Variants in KDM5B observed in about 807,000 individuals in gnomAD.
KDM5B encodes lysine-specific demethylase 5B.
KDM5B carries 144 observed loss-of-function variants against 193.4 expected under a neutral mutation model. The ratio of observed to expected loss-of-function variants is 0.74; its 90% confidence interval spans 0.65 to 0.86. The LOEUF is 0.86. Among genes scored for constraint, KDM5B ranks in the 40% least tolerant of loss-of-function variants. KDM5B has a pLI of 0.00. For synonymous variants in KDM5B, 668 were observed against 682.6 expected (o/e 0.98, Z 0.33); for missense variants, 1,833 against 1,886.9 (o/e 0.97, Z 0.53).
intron 1 of KDM5B, among the ~76,000 whole-genome samples, chr1:202,804,898 T>C (rs1658230769): frequency 6.6e-6 from 1 of 150,846 alleles, no homozygotes. Flanking sequence ...TTGTGGAATC[T>C]ATCTATGGCC....
In KDM5B at chr1:202,749,135, G is replaced by A. The variant is rs978361423; in HGVS notation, c.1826C>T (p.Pro609Leu). The change falls in exon 14 of 27, where the codon CCA (proline) becomes CTA (leucine). Residue 609 changes from proline (P) to leucine (L), a missense_variant. Physicochemically the swap from Pro to Leu is moderately conservative, Grantham distance 98. Around this residue, in one of 3 missense-constraint regions of KDM5B, gnomAD observed 1,379 missense variants for 1,349.6 expected, o/e 1.02. Coordinates refer to ENST00000367265, the MANE Select transcript of KDM5B (RefSeq NM_006618.5). ...ATGCTCCACACACTGTCGGCCTAAT[G>A]GCAGCTGTATCAAAACACGGAAAGA... The part of the protein sequence containing the change: ...AVNFCTVDWL[P>L]LGRQCVEHYR... 2 of 1,607,590 alleles carry A rather than the reference G, an allele frequency of 1.2e-6. No individual in the cohort carries two copies. Among genetic ancestry groups the A allele is most frequent in the African/African-American group, 2.7e-5 (2 of 74,774 alleles).
intron 5 of KDM5B, chr1:202,766,419 T>C (rs886705478): frequency 2.6e-6 from 1 of 390,526 alleles, no homozygotes; most frequent in Non-Finnish European, 4.9e-6. Context: ...GGCAGAAGAA[T>C]TGCTGGAATC....
Position 202,741,375 on chromosome 1 carries a change from G to A in KDM5B, c.2937C>T (p.Leu979=), listed in dbSNP as rs1296155050. 1.3e-6 allele frequency: 2 copies of A among 1,538,032 alleles called. No homozygotes were observed. Among genetic ancestry groups the A allele is most frequent in the Non-Finnish European group, 1.7e-6 (2 of 1,145,012 alleles). ...EHWDDKAKSL[L]KARPRHSLNS... ...GAAGTCTGCTTTTTCACCTGGCCTT[G>A]AGGAGACTCTTGGCTTTGTCGTCCC... Residue 979 remains leucine, a synonymous_variant, in exon 19 of 27, where the codon CTC becomes CTT. Transcript: ENST00000367265.
At chr1:202,762,412 G>A (rs1229308842) in intron 7 of KDM5B, among the ~76,000 whole-genome samples, 3 of 152,220 alleles carry the variant, frequency 2.0e-5, no homozygotes, top group Non-Finnish European at 4.4e-5. Flanking sequence ...TAATGAGCTA[G>A]ATTACAGTTC....
Position 202,742,503 on chromosome 1 carries a change from T to C in KDM5B, c.2477A>G (p.Tyr826Cys), listed in dbSNP as rs758824583. Reference sequence around the variant, plus strand: ...TTGGGATTTCCCTCCACCAGATCGATATCTGTAAAGACAAAGGCCCAAGGA... The same window carrying C: ...TTGGGATTTCCCTCCACCAGATCGACATCTGTAAAGACAAAGGCCCAAGGA... ...QLLNGKRQTR[Y>C]RSGGGKSQNQ... is the part of the protein sequence containing the mutation. The change falls in exon 18 of 27, where the codon TAT becomes TGT. Residue 826 changes from tyrosine to cysteine, a missense_variant and splice_region_variant. Tyr to Cys is a radical substitution (Grantham distance 194). Coordinates refer to ENST00000367265, the MANE Select transcript of KDM5B (RefSeq NM_006618.5). The C allele has an allele frequency of 3.1e-6, 5 of 1,613,702 alleles. No homozygotes were observed. The highest frequency in any genetic ancestry group is 3.3e-5 in the Admixed American group (2 of 60,032).
chr1:202,802,284 C>T (rs926082364), intron 1 of KDM5B, among the ~76,000 whole-genome samples: 1 of 152,124 alleles, frequency 6.6e-6, no homozygotes, highest in African/African-American at 2.4e-5. Flanking sequence ...ATTAAGGCAA[C>T]AATGAAAGGT....
rs1656985728 is a variant in KDM5B, at chr1:202,777,040, T to C, written c.259A>G (p.Ile87Val). Reference sequence around the variant, plus strand: ...ACCTCCAATTCATTCAGTCTCTGGATACGTGGCGTAAAATGAAGTTTATCA... The same window carrying C: ...ACCTCCAATTCATTCAGTCTCTGGACACGTGGCGTAAAATGAAGTTTATCA... Reference protein sequence around the residue: ...DVDKLHFTPRIQRLNELEAQT... With the variant: ...DVDKLHFTPRVQRLNELEAQT... The change falls in exon 2 of 27, where the codon ATC becomes GTC. Residue 87 changes from isoleucine (I) to valine (V), a missense_variant. Physicochemically the swap from Ile to Val is conservative, Grantham distance 29. Coordinates refer to ENST00000367265, the MANE Select transcript of KDM5B (RefSeq NM_006618.5). 6.2e-7 allele frequency: 1 copy of C among 1,613,080 alleles called. No individual in the cohort carries two copies. The highest frequency in any genetic ancestry group is 8.5e-7 in the Non-Finnish European group (1 of 1,179,042).
chr1:202,771,398 ATT>A (rs35164548), intron 4 of KDM5B, among the ~76,000 whole-genome samples: 1 of 139,732 alleles, frequency 7.2e-6, no homozygotes, highest in African/African-American at 2.6e-5. Context: ...CATCCAGCTA[ATT>A]TTTTTTTTTT....
At chr1:202,759,106 A>C (rs943009747) in intron 8 of KDM5B, among the ~76,000 whole-genome samples, 3 of 152,196 alleles carry the variant, frequency 2.0e-5, no homozygotes, top group African/African-American at 7.2e-5. Context: ...ATTGATGGAG[A>C]TATCCTTATG....
At chr1:202,804,405 G>C (rs1050102576) in intron 1 of KDM5B, among the ~76,000 whole-genome samples, 36 of 152,144 alleles carry the variant, frequency 2.4e-4, no homozygotes, top group African/African-American at 8.4e-4. Context: ...ACAGAGAGAG[G>C]GTTAGGCCTA....
intron 1 of KDM5B, among the ~76,000 whole-genome samples, chr1:202,800,168 C>T (rs1658015880): frequency 6.6e-6 from 1 of 151,998 alleles, no homozygotes; most frequent in Admixed American, 6.6e-5. Context: ...CTCAGCCTCC[C>T]GAGTAGCTTG....
intron 11 of KDM5B, among the ~76,000 whole-genome samples, chr1:202,754,119 G>A (rs1655913776): frequency 1.3e-5 from 2 of 152,156 alleles, no homozygotes; most frequent in Non-Finnish European, 2.9e-5. Context: ...ACACTAGTAA[G>A]GCAATTAGCA....
intron 18 of KDM5B, among the ~76,000 whole-genome samples, chr1:202,741,935 CTCTT>C (rs1236072171): frequency 2.4e-5 from 3 of 124,268 alleles, no homozygotes; most frequent in Non-Finnish European, 5.9e-5. Context: ...AGGTCACTTT[CTCTT>C]TTTTTTTTTT....
At chr1:202,790,353 G>T (rs925128692) in intron 1 of KDM5B, among the ~76,000 whole-genome samples, 2 of 152,148 alleles carry the variant, frequency 1.3e-5, no homozygotes, top group African/African-American at 4.8e-5. Flanking sequence ...CAACCAAGTG[G>T]ATTGCTTGAG....
chr1:202,768,648 T>C (rs1656573782), intron 4 of KDM5B, among the ~76,000 whole-genome samples: 1 of 151,922 alleles, frequency 6.6e-6, no homozygotes, highest in African/African-American at 2.4e-5. Flanking sequence ...TAGCGCTCTA[T>C]AAATATTAAA....
intron 9 of KDM5B, among the ~76,000 whole-genome samples, chr1:202,756,790 T>C (rs1215297906): frequency 1.3e-5 from 2 of 152,212 alleles, no homozygotes; most frequent in Admixed American, 6.5e-5. Flanking sequence ...TAACATAAAC[T>C]GTATAGTAAT....
At position 202,808,392 on chromosome 1, in the gene KDM5B, G is replaced by T. The variant is rs564407806; in HGVS notation, c.-87C>A. 3.9e-6 allele frequency: 5 copies of T among 1,268,026 alleles called. No individual in the cohort carries two copies. Among genetic ancestry groups the T allele is most frequent in the South Asian group, 3.1e-5 (2 of 65,390 alleles). The allele number at this position is 1,268,026 out of a possible 1,614,324, so 78.5% of individuals were successfully genotyped here. On this transcript the variant is annotated 5_prime_UTR_variant, in exon 1 of 27. Coordinates refer to ENST00000367265, the MANE Select transcript of KDM5B (RefSeq NM_006618.5). ...CTCGGTCCGAGACCCGTGCAGACGCGGCTCGAGCAACAGCAAGTCCGAGTT... is the reference window on the plus strand; with the variant it reads ...CTCGGTCCGAGACCCGTGCAGACGCTGCTCGAGCAACAGCAAGTCCGAGTT...
chr1:202,772,852 A>G (rs933508423), intron 4 of KDM5B, among the ~76,000 whole-genome samples: 36 of 145,840 alleles, frequency 2.5e-4, no homozygotes, highest in African/African-American at 8.0e-4. Context: ...ACACGCCACC[A>G]TGCCCAGCAA....
At chr1:202,799,229 A>C (rs1026159454) in intron 1 of KDM5B, among the ~76,000 whole-genome samples, 22 of 152,214 alleles carry the variant, frequency 1.4e-4, no homozygotes, top group Non-Finnish European at 4.4e-5. Context: ...GATGACAAGC[A>C]TACGTTGCAG....
Sources: gnomAD v4.1 joint callset for allele counts (sites outside exome capture counted in the v4.1 genomes callset) on GRCh38, gnomAD v4.1.1 for gene constraint, gnomAD v4.1.1 regional missense constraint, MANE v1.5 for transcripts, NCBI Gene and HGNC (gene_info 2026-07-23, HGNC 2026-07-21) for gene names.